The following GPC5 variants were observed in gnomAD, a reference collection of about 807,000 sequenced individuals.
GPC5 encodes glypican-5.
GPC5 carries 47 observed loss-of-function variants against 53.9 expected under a neutral mutation model. The observed-to-expected ratio is 0.87, with a 90% CI of 0.69 to 1.11. The LOEUF is 1.11. Ranked by LOEUF, GPC5 falls within the 50% of genes most tolerant of loss-of-function variation. The pLI is 0.00. For synonymous variants in GPC5, 286 were observed against 263.3 expected (o/e 1.09, Z -0.84); for missense variants, 748 against 713.1 (o/e 1.05, Z -0.56).
intron 6 of GPC5, among the ~76,000 whole-genome samples, chr13:91,911,126 TGCAGCTA>T: frequency 6.6e-6 from 1 of 152,136 alleles, no homozygotes; most frequent in East Asian, 1.9e-4. Flanking sequence ...CAGAAGGCCA[TGCAGCTA>T]AAACAGGGTG....
chr13:92,436,181 G>C (rs913335028), intron 7 of GPC5, among the ~76,000 whole-genome samples: 1 of 152,120 alleles, frequency 6.6e-6, no homozygotes, highest in African/African-American at 2.4e-5. Context: ...TGTGTGTAAA[G>C]ACTTATTTTG....
At chr13:92,139,243 T>C (rs2041809702) in intron 6 of GPC5, among the ~76,000 whole-genome samples, 2 of 152,220 alleles carry the variant, frequency 1.3e-5, no homozygotes, top group Non-Finnish European at 2.9e-5. Context: ...TTTCCTGATT[T>C]TCAGGTTATT....
chr13:91,753,322 T>A (rs1432568751), intron 4 of GPC5, among the ~76,000 whole-genome samples: 4 of 152,166 alleles, frequency 2.6e-5, no homozygotes, highest in African/African-American at 7.2e-5. Flanking sequence ...AGATTTCCCT[T>A]CCTTTATTTC....
At chr13:92,809,064 A>T (rs1364908509) in intron 7 of GPC5, among the ~76,000 whole-genome samples, 1 of 152,120 alleles carries the variant, frequency 6.6e-6, no homozygotes, top group Non-Finnish European at 1.5e-5. Context: ...TAGTTTTGCT[A>T]GCATCTGTTC....
chr13:91,650,750 G>GTTTTGTTTTGTTTTTTTTTTTT (rs1555333961), intron 2 of GPC5, among the ~76,000 whole-genome samples: 18 of 99,600 alleles, frequency 1.8e-4, no homozygotes, highest in African/African-American at 6.9e-4. Flanking sequence ...ATTCCCATAA[G>GTTTTGTTTTGTTTTTTTTTTTT]TTTTTTTTTT....
At chr13:92,355,534 T>A (rs2043514506) in intron 7 of GPC5, among the ~76,000 whole-genome samples, 1 of 152,176 alleles carries the variant, frequency 6.6e-6, no homozygotes, top group African/African-American at 2.4e-5. Flanking sequence ...CCCTCATTTT[T>A]ACAGTGATCC....
intron 1 of GPC5, among the ~76,000 whole-genome samples, chr13:91,409,265 G>T (rs950285606): frequency 6.6e-6 from 1 of 152,008 alleles, no homozygotes; most frequent in Non-Finnish European, 1.5e-5. Flanking sequence ...ACTCTAGGGG[G>T]AAAAAAGTCA....
In GPC5 at chr13:92,306,432, G is replaced by T. The variant is rs1255921253; in HGVS notation, c.1561+161443G>T. ...GCACAGTAACTGCTCAACTGGAAAA[G>T]TAAGGAGAGCTTGAGGGATCTTTTG... On this transcript the variant is annotated intron_variant, in intron 7 of 7. Transcript: ENST00000377067. Among the ~76,000 whole-genome samples, 3 of 152,290 alleles carry T rather than the reference G, an allele frequency of 2.0e-5. No homozygotes were observed. In the East Asian group the frequency reaches 5.8e-4, roughly 30 times the overall value.
chr13:92,133,886 A>G (rs1471867413), intron 6 of GPC5, among the ~76,000 whole-genome samples: 1 of 152,160 alleles, frequency 6.6e-6, no homozygotes, highest in African/African-American at 2.4e-5. Flanking sequence ...GATAACTGAG[A>G]TTAGTTAGTA....
chr13:92,326,812 C>A (rs1330493343), intron 7 of GPC5, among the ~76,000 whole-genome samples: 1 of 152,014 alleles, frequency 6.6e-6, no homozygotes, highest in Non-Finnish European at 1.5e-5. Flanking sequence ...TTTCTATTTA[C>A]TATCTTTTTC....
chr13:91,736,718 T>C (rs1041303308), intron 4 of GPC5, among the ~76,000 whole-genome samples: 1 of 151,396 alleles, frequency 6.6e-6, no homozygotes, highest in Non-Finnish European at 1.5e-5. Context: ...ATTAATTAGT[T>C]GTATATCCTC....
chr13:92,330,525 C>T (rs1360417064), intron 7 of GPC5, among the ~76,000 whole-genome samples: 1 of 151,982 alleles, frequency 6.6e-6, no homozygotes, highest in Non-Finnish European at 1.5e-5. Flanking sequence ...GTGGAAATTG[C>T]AGAAATATAT....
At chr13:91,705,739 T>C (rs2036087220) in intron 3 of GPC5, among the ~76,000 whole-genome samples, 1 of 141,472 alleles carries the variant, frequency 7.1e-6, no homozygotes, top group Non-Finnish European at 1.5e-5. Flanking sequence ...TAATTTCCAA[T>C]AATAAAGTAG....
At chr13:91,718,655 C>A (rs902888233) in intron 3 of GPC5, among the ~76,000 whole-genome samples, 1 of 152,124 alleles carries the variant, frequency 6.6e-6, no homozygotes, top group Non-Finnish European at 1.5e-5. Flanking sequence ...CAAGCTTTCC[C>A]GAGTATAACC....
At chr13:92,401,002 A>C (rs1163820015) in intron 7 of GPC5, among the ~76,000 whole-genome samples, 1 of 152,056 alleles carries the variant, frequency 6.6e-6, no homozygotes, top group East Asian at 1.9e-4. Flanking sequence ...CTTTGATTTC[A>C]AAATACCCCT....
At chr13:92,138,399 T>C (rs913812769) in intron 6 of GPC5, among the ~76,000 whole-genome samples, 3 of 151,928 alleles carry the variant, frequency 2.0e-5, no homozygotes, top group Admixed American at 1.3e-4. Context: ...GTGCACCTGT[T>C]GTCCCAGCTA....
chr13:91,709,732 G>A (rs1214206044), intron 3 of GPC5, among the ~76,000 whole-genome samples: 1 of 152,190 alleles, frequency 6.6e-6, no homozygotes, highest in Non-Finnish European at 1.5e-5. Context: ...GCAAGAGACT[G>A]TTGGTTGTGC....
At chr13:92,476,193 A>G (rs1315657707) in intron 7 of GPC5, among the ~76,000 whole-genome samples, 2 of 152,216 alleles carry the variant, frequency 1.3e-5, no homozygotes, top group African/African-American at 4.8e-5. Context: ...AAACAAATTT[A>G]CAAGAAAAAA....
chr13:92,615,836 C>T (rs866072634), intron 7 of GPC5, among the ~76,000 whole-genome samples: 36 of 152,108 alleles, frequency 2.4e-4, no homozygotes, highest in Admixed American at 1.0e-3. Context: ...GGGTGGATCA[C>T]GAGGTCAGGA....
Sources: gnomAD v4.1 joint callset for allele counts (sites outside exome capture counted in the v4.1 genomes callset) on GRCh38, gnomAD v4.1.1 for gene constraint, MANE v1.5 for transcripts, NCBI Gene and HGNC (gene_info 2026-07-23, HGNC 2026-07-21) for gene names.